PREX1: variants seen among roughly 807,000 people sequenced by gnomAD.
PREX1 encodes phosphatidylinositol 3,4,5-trisphosphate-dependent Rac exchanger 1 protein.
Under a neutral mutation model 198.3 loss-of-function variants are expected in PREX1, and 41 were observed. That is an observed-to-expected ratio of 0.21 (90% CI 0.16 to 0.27). The LOEUF (loss-of-function observed/expected upper bound fraction) is 0.27. PREX1 is among the 10% of genes least tolerant of loss of function. PREX1 has a pLI of 1.00. For synonymous variants in PREX1, 843 were observed against 887.2 expected (o/e 0.95, Z 0.89); for missense variants, 1,620 against 2,200.7 (o/e 0.74, Z 5.28).
At chr20:48,668,881 G>C (rs935506612) in intron 14 of PREX1, among the ~76,000 whole-genome samples, 2 of 152,168 alleles carry the variant, frequency 1.3e-5, no homozygotes, top group African/African-American at 4.8e-5. Context: ...TCTGCAGATG[G>C]GAGGCCCGGC....
chr20:48,728,245 A>C (rs1196996739), intron 4 of PREX1, among the ~76,000 whole-genome samples: 1 of 152,258 alleles, frequency 6.6e-6, no homozygotes, highest in Admixed American at 6.5e-5. Flanking sequence ...TTCAAGTGAA[A>C]ATAAGACCAT....
At position 48,656,892 on chromosome 20, in the gene PREX1, C is replaced by T. The variant is rs180896581; in HGVS notation, c.2123+148G>A. 91 of 1,171,154 alleles carry T rather than the reference C, an allele frequency of 7.8e-5. No homozygotes were observed. In the Admixed American group the frequency reaches 8.1e-4, roughly 10 times the overall value. The allele number at this position is 1,171,154 out of a possible 1,614,324, so 72.5% of individuals were successfully genotyped here. A position where few individuals can be genotyped will look rare whatever the true frequency, so the allele number is the denominator to read the frequency against. ...AGAGTGGCACTCTGTAAACATCTGC[C>T]GAATTAATGAAGGTCCAGCTTGTGT... On this transcript the variant is annotated intron_variant, in intron 18 of 39. Coordinates refer to ENST00000371941, the MANE Select transcript of PREX1 (RefSeq NM_020820.4).
At chr20:48,670,357 G>A (rs768529542) in intron 14 of PREX1, among the ~76,000 whole-genome samples, 1 of 148,024 alleles carries the variant, frequency 6.8e-6, no homozygotes, top group Non-Finnish European at 1.5e-5. Context: ...CTGCCTGGTA[G>A]TGGGAGCCCA....
chr20:48,655,442 G>A (rs535493711), intron 18 of PREX1, 67 bp from the exon 19 acceptor site: 31 of 1,301,532 alleles, frequency 2.4e-5, no homozygotes, highest in South Asian at 1.8e-4. Context: ...CAATAACCCC[G>A]GTGCCAACCC....
chr20:48,770,183 T>TAA (rs2090228909), intron 1 of PREX1, among the ~76,000 whole-genome samples: 1 of 152,156 alleles, frequency 6.6e-6, no homozygotes, highest in African/African-American at 2.4e-5. Flanking sequence ...GAAGCGGGCA[T>TAA]AAGAATTACC....
intron 1 of PREX1, among the ~76,000 whole-genome samples, chr20:48,811,733 C>T (rs1049772084): frequency 6.6e-6 from 1 of 152,112 alleles, no homozygotes; most frequent in Admixed American, 6.5e-5. Context: ...TACACACACA[C>T]ACCCCTCACA....
intron 1 of PREX1, among the ~76,000 whole-genome samples, chr20:48,824,062 C>T (rs1412142770): frequency 2.6e-5 from 4 of 152,214 alleles, no homozygotes; most frequent in Admixed American, 6.5e-5. Flanking sequence ...TCATGACTAA[C>T]GCTGCCCAGA....
chr20:48,723,488 A>G (rs1008612505), intron 5 of PREX1, among the ~76,000 whole-genome samples: 1 of 152,182 alleles, frequency 6.6e-6, no homozygotes, highest in African/African-American at 2.4e-5. Flanking sequence ...GGCGGGGAGC[A>G]AGGCATGGCC....
At chr20:48,888,009 G>A in the PREX1 span, among the ~76,000 whole-genome samples, 5 of 152,112 alleles carry the variant, frequency 3.3e-5, no homozygotes, top group Non-Finnish European at 7.4e-5. Flanking sequence ...TTTGGGCCAA[G>A]CACTGTGGGT....
the PREX1 span, among the ~76,000 whole-genome samples, chr20:48,855,619 C>A: frequency 6.6e-6 from 1 of 152,208 alleles, no homozygotes; most frequent in Non-Finnish European, 1.5e-5. Context: ...AGTAAAGAGG[C>A]CAGGCTCAGT....
chr20:48,625,622 T>C lies in PREX1; in HGVS notation c.*263A>G, dbSNP rs980040063. On this transcript the variant is annotated 3_prime_UTR_variant, in exon 40 of 40. Transcript: ENST00000371941. ...GAAGGCCAGGCACCAGCTGCTCCCA[T>C]CAGCTCTATGGGTCTCCAGCACCCC... is the stretch of plus-strand genomic sequence containing the variant. The C allele has an allele frequency of 4.5e-6, 2 of 441,978 alleles. No homozygotes were observed. Among genetic ancestry groups the C allele is most frequent in the African/African-American group, 4.2e-5 (2 of 48,180 alleles). 27.4% of individuals were successfully genotyped at this position (441,978 alleles called of 1,614,324 possible).
chr20:48,824,636 A>G (rs1217951125), intron 1 of PREX1, among the ~76,000 whole-genome samples: 1 of 152,238 alleles, frequency 6.6e-6, no homozygotes, highest in Non-Finnish European at 1.5e-5. Flanking sequence ...TTAAAAACCT[A>G]TAAAATAGGA....
At chr20:48,826,296 T>C (rs570860564) in intron 1 of PREX1, among the ~76,000 whole-genome samples, 16 of 152,154 alleles carry the variant, frequency 1.1e-4, no homozygotes, top group Non-Finnish European at 2.1e-4. Flanking sequence ...GATTAAAGAC[T>C]TTAGAGTCTC....
intron 1 of PREX1, among the ~76,000 whole-genome samples, chr20:48,778,458 C>T (rs554772403): frequency 4.4e-4 from 66 of 150,828 alleles, no homozygotes; most frequent in African/African-American, 1.6e-3. Context: ...CCAGGCATGG[C>T]ACACGCCTGT....
chr20:48,758,241 G>C (rs964915851), intron 1 of PREX1, among the ~76,000 whole-genome samples: 3 of 152,204 alleles, frequency 2.0e-5, no homozygotes, highest in Non-Finnish European at 4.4e-5. Context: ...GAGTGAGGAG[G>C]CCAGGGAGTC....
chr20:48,680,985 T>C (rs1034293604), intron 11 of PREX1, among the ~76,000 whole-genome samples: 20 of 152,206 alleles, frequency 1.3e-4, no homozygotes, highest in African/African-American at 4.1e-4. Flanking sequence ...AAATGGTTCT[T>C]GACATTTCTT....
Position 48,827,797 on chromosome 20 carries a change from G to A in PREX1, c.64C>T (p.Pro22Ser). ...DGAGDCAHPDPRAPGAAAPSS... is the reference protein window; with the variant it reads ...DGAGDCAHPDSRAPGAAAPSS... ...GGCGCCGCGGCGCCAGGGGCCCGGGGGTCCGGGTGGGCGCAGTCCCCGGCC... is the reference window on the plus strand; with the variant it reads ...GGCGCCGCGGCGCCAGGGGCCCGGGAGTCCGGGTGGGCGCAGTCCCCGGCC... The change falls in exon 1 of 40, where the codon CCC becomes TCC. Residue 22 changes from proline (P) to serine (S), a missense_variant. Pro to Ser is a moderately conservative substitution (Grantham distance 74, BLOSUM62 -1). Around this residue, in one of 7 missense-constraint regions of PREX1, gnomAD observed 96 missense variants for 98.7 expected, o/e 0.97. Coordinates refer to ENST00000371941, the MANE Select transcript of PREX1 (RefSeq NM_020820.4). The surrounding 1 kb of genome is among the most constrained non-coding windows in gnomAD (Gnocchi z 4.1). 1 of 1,076,808 alleles carries A rather than the reference G, an allele frequency of 9.3e-7. No homozygotes were observed. The highest frequency in any genetic ancestry group is 6.1e-5 in the East Asian group (1 of 16,474). The allele number at this position is 1,076,808 out of a possible 1,614,324, so 66.7% of individuals were successfully genotyped here.
rs774813171 is a variant in PREX1, at chr20:48,679,413, A to G, written c.1540-4T>C. ...GACGGCAGTAAAGCCTCACACCCTG[A>G]AAGAAAAAAGGGGAGGAATTCTGGG... is the stretch of plus-strand genomic sequence containing the variant. On this transcript the variant is annotated splice_polypyrimidine_tract_variant and splice_region_variant and intron_variant, in intron 12 of 39. Transcript: ENST00000371941. 4 of 1,612,902 alleles carry G rather than the reference A, an allele frequency of 2.5e-6. No individual in the cohort carries two copies. Among genetic ancestry groups the G allele is most frequent in the Non-Finnish European group, 3.4e-6 (4 of 1,179,252 alleles).
At chr20:48,840,195 T>C in the PREX1 span, among the ~76,000 whole-genome samples, 1 of 152,070 alleles carries the variant, frequency 6.6e-6, no homozygotes, top group African/African-American at 2.4e-5. Flanking sequence ...TTGTATTTTT[T>C]GTAAGGACAG....
Sources: gnomAD v4.1 joint callset for allele counts (sites outside exome capture counted in the v4.1 genomes callset) on GRCh38, gnomAD v4.1.1 for gene constraint, gnomAD v4.1.1 regional missense constraint, Gnocchi (gnomAD v3.1) non-coding constraint, MANE v1.5 for transcripts, NCBI Gene and HGNC (gene_info 2026-07-23, HGNC 2026-07-21) for gene names.